The following MMP3 variants were observed in gnomAD, a reference collection of about 807,000 sequenced individuals.
MMP3 encodes matrix metallopeptidase 3.
In MMP3, 46 loss-of-function variants were observed where a neutral mutation model predicts 47.3. The ratio of observed to expected loss-of-function variants is 0.97; its 90% CI spans 0.77 to 1.24. MMP3 has a LOEUF of 1.24. MMP3 is among the 50% of genes most tolerant of loss of function. The pLI is 0.00. For missense variants in MMP3, 558 were observed against 565.5 expected (o/e 0.99, Z 0.13); for synonymous variants, 216 against 206.5 (o/e 1.05, Z -0.39).
chr11:102,842,295 T>A lies in MMP3; in HGVS notation c.500-16A>T, dbSNP rs1377455755. ...TCTCCATGTTCTAGTAGGAAAAAAA[T>A]TTATTGGAAAGATATGTAACAAGGA... On this transcript the variant is annotated splice_polypyrimidine_tract_variant and intron_variant, in intron 3 of 9. Transcript: ENST00000299855. 4 of 1,593,212 alleles carry A rather than the reference T, an allele frequency of 2.5e-6. No homozygotes were observed. The highest frequency in any genetic ancestry group is 3.4e-6 in the Non-Finnish European group (4 of 1,173,434).
Position 102,836,682 on chromosome 11 carries a change from A to G in MMP3, c.1334-456T>C, listed in dbSNP as rs1858888783. 1 of 403,304 alleles carries G rather than the reference A, an allele frequency of 2.5e-6. No homozygotes were observed. The highest frequency in any genetic ancestry group is 3.0e-5 in the Admixed American group (1 of 33,756). 25.0% of individuals were successfully genotyped at this position (403,304 alleles called of 1,614,324 possible). On this transcript the variant is annotated intron_variant, in intron 9 of 9. Coordinates refer to ENST00000299855, the MANE Select transcript of MMP3 (RefSeq NM_002422.5). This position sits in a 1 kb window ranked among gnomAD's most constrained non-coding sequence, Gnocchi z 4.6. ...TTGCAGCCTAGGAAGCACAGCAACT[A>G]TTTCAAAACACCAGGGGACCCTTTA...
At position 102,842,258 on chromosome 11, in the gene MMP3, A is replaced by G. The variant is rs782669256; in HGVS notation, c.521T>C (p.Phe174Ser). The change falls in exon 4 of 10, where the codon TTT becomes TCT. Residue 174 changes from phenylalanine to serine, a missense_variant. Transcript: ENST00000299855. The stretch of plus-strand genomic sequence containing the variant: ...GGCCAAAACATTTCCAGGTCCATCA[A>G]AAGGGTAAAAGTCTCCATGTTCTAG... ...AVREHGDFYP[F>S]DGPGNVLAHA... 2.1e-5 allele frequency: 34 copies of G among 1,605,428 alleles called. No homozygotes were observed. The highest frequency in any genetic ancestry group is 1.1e-4 in the Admixed American group (6 of 57,100).
At position 102,838,594 on chromosome 11, in the gene MMP3, C is replaced by G; in HGVS notation, c.1186G>C (p.Glu396Gln). The change falls in exon 8 of 10, where the codon GAA (glutamate) becomes CAA (glutamine). Residue 396 changes from glutamate to glutamine, a missense_variant. Glu to Gln is a conservative substitution (Grantham distance 29). Transcript: ENST00000299855. ...RKIDAAISDK[E>Q]KNKTYFFVED... Reference sequence around the variant, plus strand: ...ACAAAGAAATATGTTTTGTTCTTTTCCTTATCAGAAATGGCTGCATCGATT... The same window carrying G: ...ACAAAGAAATATGTTTTGTTCTTTTGCTTATCAGAAATGGCTGCATCGATT... 1 of 1,613,652 alleles carries G rather than the reference C, an allele frequency of 6.2e-7. No homozygotes were observed. The highest frequency in any genetic ancestry group is 8.5e-7 in the Non-Finnish European group (1 of 1,179,934).
At chr11:102,839,838 T>C (rs1202626855) in intron 6 of MMP3, among the ~76,000 whole-genome samples, 16 of 152,176 alleles carry the variant, frequency 1.1e-4, no homozygotes, top group Admixed American at 1.0e-3. Context: ...ATTCGAAAGA[T>C]CTACTCATGC....
At position 102,842,774 on chromosome 11, in the gene MMP3, G is replaced by A; in HGVS notation, c.248C>T (p.Thr83Ile). 6.2e-7 allele frequency: 1 copy of A among 1,613,998 alleles called. No homozygotes were observed. The highest frequency in any genetic ancestry group is 8.5e-7 in the Non-Finnish European group (1 of 1,179,980). ...LEVTGKLDSD[T>I]LEVMRKPRCG... is the part of the protein sequence containing the mutation. The stretch of plus-strand genomic sequence containing the variant: ...CCTGGGCTTGCGCATCACCTCCAGA[G>A]TGTCGGAGTCCAGCTTCCCCGTCAC... The change falls in exon 2 of 10, where the codon ACT becomes ATT. Residue 83 changes from threonine to isoleucine, a missense_variant. Thr to Ile is a moderately conservative substitution (Grantham distance 89, BLOSUM62 -1). Coordinates refer to ENST00000299855, the MANE Select transcript of MMP3 (RefSeq NM_002422.5).
At chr11:102,839,726 ATGTT>A (rs1340592867) in intron 6 of MMP3, among the ~76,000 whole-genome samples, 1 of 152,214 alleles carries the variant, frequency 6.6e-6, no homozygotes, top group Non-Finnish European at 1.5e-5. Flanking sequence ...TGCTCTTTGA[ATGTT>A]TGTCATGTGC....
chr11:102,836,332 A>G lies in MMP3; in HGVS notation c.1334-106T>C. On this transcript the variant is annotated intron_variant, in intron 9 of 9. Coordinates refer to ENST00000299855, the MANE Select transcript of MMP3 (RefSeq NM_002422.5). This position sits in a 1 kb window ranked among gnomAD's most constrained non-coding sequence, Gnocchi z 4.6. ...AGAACTAAAAATAGAAAGTGTTTAT[A>G]GAGCTTTACTTTATGTCAGGGACTA... 1 of 859,928 alleles carries G rather than the reference A, an allele frequency of 1.2e-6. No individual in the cohort carries two copies. 53.3% of individuals were successfully genotyped at this position (859,928 alleles called of 1,614,324 possible). A position where few individuals can be genotyped will look rare whatever the true frequency, so the allele number is the denominator to read the frequency against.
At chr11:102,843,335 T>A in intron 1 of MMP3, 107 bp downstream of exon 1, 1 of 773,270 alleles carries the variant, frequency 1.3e-6, no homozygotes, top group South Asian at 1.6e-5. Context: ...CTTGAACTGT[T>A]CCTACACAGT....
Position 102,842,135 on chromosome 11 carries a change from TG to T in MMP3, c.625+18del. 1 of 1,526,292 alleles carries T rather than the reference TG, an allele frequency of 6.6e-7. No homozygotes were observed. The highest frequency in any genetic ancestry group is 8.8e-7 in the Non-Finnish European group (1 of 1,138,330). 94.5% of individuals were successfully genotyped at this position (1,526,292 alleles called of 1,614,324 possible). A position where few individuals can be genotyped will look rare whatever the true frequency, so the allele number is the denominator to read the frequency against. On this transcript the variant is annotated intron_variant, in intron 4 of 9. Transcript: ENST00000299855. The stretch of plus-strand genomic sequence containing the variant: ...AAAAAAATTAATGCCAAAATCATTC[TG>T]AGAGATGTGTAACTAACCTGTTGTA...
intron 3 of MMP3, 28 bp downstream of exon 3, chr11:102,842,403 G>GCTTTTTTTTTTTTTTTTTTTTTT: frequency 5.4e-6 from 5 of 918,300 alleles, no homozygotes; most frequent in South Asian, 3.1e-5. Flanking sequence ...GTTTTGTTTT[G>GCTTTTTTTTTTTTTTTTTTTTTT]CTTTTTTTTT....
At chr11:102,839,544 G>A (rs1022060631) in intron 6 of MMP3, among the ~76,000 whole-genome samples, 2 of 152,186 alleles carry the variant, frequency 1.3e-5, no homozygotes, top group African/African-American at 2.4e-5. Context: ...AAAACAGTGC[G>A]TGTGCTATAC....
chr11:102,840,211 C>A lies in MMP3; in HGVS notation c.832G>T (p.Glu278Ter). 1 of 1,614,032 alleles carries A rather than the reference C, an allele frequency of 6.2e-7. No individual in the cohort carries two copies. Among genetic ancestry groups the A allele is most frequent in the Non-Finnish European group, 8.5e-7 (1 of 1,179,968 alleles). Residue 278 changes from glutamate (E) to a stop codon, truncating the protein, a stop_gained, in exon 6 of 10, where the codon GAA (glutamate) becomes TAA (stop). Coordinates refer to ENST00000299855, the MANE Select transcript of MMP3 (RefSeq NM_002422.5). LOFTEE classifies it high-confidence loss of function. ...DSPETPLVPT[E>*]PVPPEPGTPA... ...GTCCCAGGTTCTGGAGGGACAGGTT[C>A]CGTGGGTACCAGGGGGGTCTCAGGG...
Position 102,837,989 on chromosome 11 carries a change from C to G in MMP3, c.1229+562G>C, listed in dbSNP as rs1047020175. On this transcript the variant is annotated intron_variant, in intron 8 of 9. Transcript: ENST00000299855. The surrounding 1 kb of genome is among the most constrained non-coding windows in gnomAD (Gnocchi z 4.4). ...TGGGTTGTATCCATAAACTGGACTG[C>G]TATTGATCATCATCTCTTAAATGAG... 6.6e-6 allele frequency among the ~76,000 whole-genome samples: 1 copy of G among 152,118 alleles called. No individual in the cohort carries two copies. Among genetic ancestry groups the G allele is most frequent in the Non-Finnish European group, 1.5e-5 (1 of 68,032 alleles).
chr11:102,843,597 C>A lies in MMP3; in HGVS notation c.-51G>T. On this transcript the variant is annotated 5_prime_UTR_variant, in exon 1 of 10. Coordinates refer to ENST00000299855, the MANE Select transcript of MMP3 (RefSeq NM_002422.5). ...GTTGTCTCTATGCCTTGCTGTCTTG[C>A]CTGCCTCCTTGTAGGTCCAACCTCG... 6.8e-7 allele frequency: 1 copy of A among 1,474,946 alleles called. No homozygotes were observed. The allele number at this position is 1,474,946 out of a possible 1,614,324, so 91.4% of individuals were successfully genotyped here.
Position 102,838,648 on chromosome 11 carries a change from T to G in MMP3, c.1132A>C (p.Thr378Pro). The stretch of plus-strand genomic sequence containing the variant: ...CTCACGGTTGGAGGGAAACCTAGGG[T>G]GTGGATGCCTCTTGGGTATCCAGCT... ...VRAGYPRGIH[T>P]LGFPPTVRKI... The change falls in exon 8 of 10, where the codon ACC becomes CCC. Residue 378 changes from threonine (T) to proline (P), a missense_variant. Transcript: ENST00000299855. The G allele has an allele frequency of 6.2e-7, 1 of 1,614,004 alleles. No individual in the cohort carries two copies. The highest frequency in any genetic ancestry group is 8.5e-7 in the Non-Finnish European group (1 of 1,179,942).
intron 4 of MMP3, among the ~76,000 whole-genome samples, chr11:102,841,816 C>A (rs1054336800): frequency 5.3e-5 from 8 of 151,772 alleles, no homozygotes; most frequent in Non-Finnish European, 1.2e-4. Flanking sequence ...ACATCCAGAG[C>A]ACATTTTAAT....
At chr11:102,840,393 A>G (rs1170798409) in intron 5 of MMP3, 36 bp downstream of exon 5, 6 of 1,606,782 alleles carry the variant, frequency 3.7e-6, no homozygotes, top group Non-Finnish European at 4.2e-6. Flanking sequence ...CCATCATTGC[A>G]AAACTACAAT....
chr11:102,838,716 A>C lies in MMP3; in HGVS notation c.1070-6T>G. 6.2e-7 allele frequency: 1 copy of C among 1,609,128 alleles called. No individual in the cohort carries two copies. Among genetic ancestry groups the C allele is most frequent in the Non-Finnish European group, 8.5e-7 (1 of 1,177,542 alleles). The stretch of plus-strand genomic sequence containing the variant: ...GATAGCCCAGAATTGATTTCCTGTT[A>C]AATATAAATAATTCAGAGTCATATT... On this transcript the variant is annotated splice_polypyrimidine_tract_variant and splice_region_variant and intron_variant, in intron 7 of 9. Transcript: ENST00000299855.
At chr11:102,839,330 T>G in intron 6 of MMP3, 87 bp from the exon 7 acceptor site, 1 of 1,456,806 alleles carries the variant, frequency 6.9e-7, no homozygotes, top group East Asian at 2.3e-5. Context: ...TCACCCAGCT[T>G]CCCCCATTCT....
Sources: gnomAD v4.1 joint callset for allele counts (sites outside exome capture counted in the v4.1 genomes callset) on GRCh38, gnomAD v4.1.1 for gene constraint, Gnocchi (gnomAD v3.1) non-coding constraint, MANE v1.5 for transcripts, NCBI Gene and HGNC (gene_info 2026-07-23, HGNC 2026-07-21) for gene names.